Variants in DSE observed in about 807,000 individuals in gnomAD.
DSE encodes dermatan-sulfate epimerase.
In DSE, 36 loss-of-function variants were observed where a neutral mutation model predicts 84.4. The observed-to-expected ratio is 0.43, with a 90% CI of 0.33 to 0.56. DSE has a LOEUF of 0.56. Ranked by LOEUF, DSE falls within the 20% of genes least tolerant of loss-of-function variation. The probability of loss-of-function intolerance (pLI) is 0.06; values close to 1 mark genes in which losing one functional copy is unlikely to be tolerated. For missense variants in DSE, 862 were observed against 1,169.6 expected, an observed-to-expected ratio of 0.74 and a Z score of 3.84; for synonymous variants, 410 against 430.1, an observed-to-expected ratio of 0.95 and a Z score of 0.58.
intron 2 of DSE, among the ~76,000 whole-genome samples, chr6:116,421,508 T>TG (rs1357655873): frequency 1.5e-5 from 2 of 136,038 alleles, no homozygotes; most frequent in African/African-American, 5.5e-5. Flanking sequence ...AGGGTCTCAC[T>TG]GTGTCACCCA....
At chr6:116,341,765 C>T (rs1236577409) in intron 2 of DSE, among the ~76,000 whole-genome samples, 1 of 152,196 alleles carries the variant, frequency 6.6e-6, no homozygotes, top group Admixed American at 6.5e-5. Context: ...TTCCCCATTT[C>T]TTATTTTTGT....
chr6:116,370,674 G>T (rs1779478768), upstream of DSE, among the ~76,000 whole-genome samples: 1 of 152,178 alleles, frequency 6.6e-6, no homozygotes, highest in Non-Finnish European at 1.5e-5. Flanking sequence ...GCGGGCGGGG[G>T]TGCGGGTGGA....
chr6:116,366,059 T>A (rs1583099523), upstream of DSE: 1 of 152,358 alleles, frequency 6.6e-6, no homozygotes, highest in East Asian at 1.9e-4. Context: ...AACACCTACT[T>A]ACTGAGTTCT....
At chr6:116,272,914 T>A (rs923137726) in intron 2 of DSE, among the ~76,000 whole-genome samples, 4 of 152,256 alleles carry the variant, frequency 2.6e-5, no homozygotes, top group African/African-American at 9.6e-5. Flanking sequence ...CTCTATATTA[T>A]AACTATATTA....
intron 1 of DSE, among the ~76,000 whole-genome samples, chr6:116,378,471 A>G (rs1780050773): frequency 1.3e-5 from 2 of 152,144 alleles, no homozygotes. Context: ...TATAAGAACA[A>G]AGTATTTATT....
chr6:116,255,762 C>T (rs544309849), intron 1 of DSE: 1 of 152,270 alleles, frequency 6.6e-6, no homozygotes, highest in Non-Finnish European at 1.5e-5. Flanking sequence ...TAACCTGAGT[C>T]AAGATGAAGA....
At position 116,443,303 on chromosome 6, in the gene DSE, A is replaced by G. The variant is rs959267520; in HGVS notation, c.*5958A>G. On this transcript the variant is annotated 3_prime_UTR_variant, in exon 6 of 6. Transcript: ENST00000644252. Reference sequence around the variant, plus strand: ...TATATATGTCTGAGTCTTATTTAATATAAGAAGAGCATGGTTGCCTGCCAT... The same window carrying G: ...TATATATGTCTGAGTCTTATTTAATGTAAGAAGAGCATGGTTGCCTGCCAT... 1.3e-5 allele frequency: 2 copies of G among 152,206 alleles called. No individual in the cohort carries two copies. The highest frequency in any genetic ancestry group is 2.9e-5 in the Non-Finnish European group (2 of 68,038). 9.4% of individuals were successfully genotyped at this position (152,206 alleles called of 1,614,324 possible).
intron 2 of DSE, among the ~76,000 whole-genome samples, chr6:116,292,836 C>T (rs540843171): frequency 6.6e-6 from 1 of 152,270 alleles, no homozygotes; most frequent in South Asian, 2.1e-4. Context: ...TGTAAAAGAA[C>T]ATTGCAGACC....
chr6:116,384,133 T>C (rs577690731), intron 1 of DSE, among the ~76,000 whole-genome samples: 6 of 152,290 alleles, frequency 3.9e-5, no homozygotes, highest in African/African-American at 1.4e-4. Flanking sequence ...CATGGGGACA[T>C]GAGGGAATCA....
At chr6:116,430,223 C>T (rs897433945) in intron 3 of DSE, among the ~76,000 whole-genome samples, 1 of 152,100 alleles carries the variant, frequency 6.6e-6, no homozygotes, top group South Asian at 2.1e-4. Context: ...TTTTCAGATC[C>T]TGTGGAAAAG....
At chr6:116,256,269 T>C (rs1217658589) in intron 1 of DSE, 15 of 152,218 alleles carry the variant, frequency 9.9e-5, no homozygotes, top group Non-Finnish European at 2.1e-4. Context: ...ATTTTGTCAT[T>C]ATGGAAACAT....
intron 1 of DSE, among the ~76,000 whole-genome samples, chr6:116,390,197 A>G (rs1182278668): frequency 6.6e-6 from 1 of 151,840 alleles, no homozygotes; most frequent in Non-Finnish European, 1.5e-5. Context: ...CCTCCCAAGT[A>G]GCTGGGACCC....
In DSE at chr6:116,439,178, A is replaced by G. The variant is rs9488929; in HGVS notation, c.*1833A>G. The G allele has an allele frequency of 0.27, 41,009 of 151,900 alleles. 5,687 individuals are homozygous for G. Among genetic ancestry groups the G allele is most frequent in the African/African-American group, 0.32 (13,262 of 41,408 alleles). The allele number at this position is 151,900 out of a possible 1,614,324, so 9.4% of individuals were successfully genotyped here. A position where few individuals can be genotyped will look rare whatever the true frequency, so the allele number is the denominator to read the frequency against. On this transcript the variant is annotated 3_prime_UTR_variant, in exon 6 of 6. Coordinates refer to ENST00000644252, the MANE Select transcript of DSE (RefSeq NM_013352.4). ...TGAAATGATCAAAAGGAAATTTTGAAAGAAAAAAAAAAGGAAAATTATTCT... is the reference window on the plus strand; with the variant it reads ...TGAAATGATCAAAAGGAAATTTTGAGAGAAAAAAAAAAGGAAAATTATTCT...
At chr6:116,370,571 C>T, upstream of DSE, 1 of 931,776 alleles carries the variant, frequency 1.1e-6, no homozygotes, top group Non-Finnish European at 1.3e-6. Context: ...TCCCCCTGGG[C>T]CTCCAAAAGT....
In DSE at chr6:116,254,190, C is replaced by G. The variant is rs1164807859; in HGVS notation, c.-681C>G. ...AGAACTCTCTGCGCGGTTGACTACGCTTATCAATCCATCGTATTCCTTTGT... is the reference window on the plus strand; with the variant it reads ...AGAACTCTCTGCGCGGTTGACTACGGTTATCAATCCATCGTATTCCTTTGT... On this transcript the variant is annotated 5_prime_UTR_variant, in exon 1 of 4. Coordinates refer to the DSE transcript ENST00000430252. The G allele has an allele frequency of 6.6e-5, 48 of 728,436 alleles. No homozygotes were observed. In the Admixed American group the frequency reaches 9.4e-4, roughly 14 times the overall value. The allele number at this position is 728,436 out of a possible 1,614,324, so 45.1% of individuals were successfully genotyped here.
intron 2 of DSE, among the ~76,000 whole-genome samples, chr6:116,286,410 G>A (rs1582945411): frequency 6.6e-6 from 1 of 152,150 alleles, no homozygotes; most frequent in South Asian, 2.1e-4. Flanking sequence ...ATATTTGTAA[G>A]GAAAGTACCC....
intron 2 of DSE, among the ~76,000 whole-genome samples, chr6:116,307,220 A>G (rs995865617): frequency 6.6e-6 from 1 of 152,194 alleles, no homozygotes; most frequent in Non-Finnish European, 1.5e-5. Context: ...CTGAATGAAT[A>G]TGGCATAATC....
chr6:116,368,387 G>C (rs1279081331), upstream of DSE, among the ~76,000 whole-genome samples: 1 of 152,164 alleles, frequency 6.6e-6, no homozygotes, highest in Non-Finnish European at 1.5e-5. Flanking sequence ...ATACAGACCG[G>C]ATTTACAGAG....
intron 2 of DSE, among the ~76,000 whole-genome samples, chr6:116,323,229 A>AT (rs1776431486): frequency 6.6e-6 from 1 of 152,150 alleles, no homozygotes; most frequent in Non-Finnish European, 1.5e-5. Flanking sequence ...TAAAATATGT[A>AT]TTTTTTTCAG....
Sources: gnomAD v4.1 joint callset for allele counts (sites outside exome capture counted in the v4.1 genomes callset) on GRCh38, gnomAD v4.1.1 for gene constraint, MANE v1.5 for transcripts, NCBI Gene and HGNC (gene_info 2026-07-23, HGNC 2026-07-21) for gene names.